ASB4: variants seen among roughly 807,000 people sequenced by gnomAD.
ASB4 encodes ankyrin repeat and SOCS box protein 4.
A neutral mutation model predicts 38.6 loss-of-function variants in ASB4; 35 were observed. The observed-to-expected ratio is 0.91, with a 90% CI of 0.69 to 1.20. The LOEUF (loss-of-function observed/expected upper bound fraction) is 1.20. Ranked by LOEUF, ASB4 falls within the 50% of genes most tolerant of loss-of-function variation. ASB4 has a pLI of 0.00. For missense variants in ASB4, 557 were observed against 527.2 expected (o/e 1.06, Z -0.55); for synonymous variants, 195 against 201.3 (o/e 0.97, Z 0.26).
chr7:95,515,193 C>CTT (rs1790544378), intron 2 of ASB4, among the ~76,000 whole-genome samples: 5 of 125,634 alleles, frequency 4.0e-5, no homozygotes, highest in Admixed American at 7.7e-5. Flanking sequence ...TTCTTTCTTT[C>CTT]TTTCTTTCTT....
intron 3 of ASB4, chr7:95,528,588 G>A: frequency 2.9e-6 from 4 of 1,379,668 alleles, no homozygotes; most frequent in Non-Finnish European, 3.7e-6. Context: ...GAGGGACTGA[G>A]GTAAGTCTGC....
the ASB4 span, among the ~76,000 whole-genome samples, chr7:95,546,404 T>C: frequency 6.6e-6 from 1 of 152,022 alleles, no homozygotes; most frequent in Non-Finnish European, 1.5e-5. Context: ...TTTGATTTAG[T>C]TTCCAATGAT....
At position 95,528,180 on chromosome 7, in the gene ASB4, C is replaced by T. The variant is rs1482994122; in HGVS notation, c.855C>T (p.Gly285=). The part of the protein sequence containing the change: ...GAEANLMDIN[G]CAAIQYVLKV... ...AAGCCAATCTCATGGATATCAACGG[C>T]TGTGCTGCCATCCAGTACGTGCTGA... The change falls in exon 3 of 5, where the codon GGC becomes GGT. Residue 285 remains glycine, a synonymous_variant. Transcript: ENST00000325885. The T allele has an allele frequency of 1.2e-6, 2 of 1,614,106 alleles. No homozygotes were observed. Among genetic ancestry groups the T allele is most frequent in the African/African-American group, 2.7e-5 (2 of 74,932 alleles).
In ASB4 at chr7:95,528,840, G is replaced by A. The variant is rs530471374; in HGVS notation, c.978+537G>A. ...CATTTAATTCTTACAACAATCATAC[G>A]AGGTATATATTATTATTGTCCCTAT... On this transcript the variant is annotated intron_variant, in intron 3 of 4. Transcript: ENST00000325885. 88 of 393,072 alleles carry A rather than the reference G, an allele frequency of 2.2e-4. 1 individual carries two copies. In the South Asian group the frequency reaches 7.5e-3, roughly 33 times the overall value. The allele number at this position is 393,072 out of a possible 1,614,324, so 24.3% of individuals were successfully genotyped here. A position where few individuals can be genotyped will look rare whatever the true frequency, so the allele number is the denominator to read the frequency against.
At chr7:95,519,788 A>G (rs1790634776) in intron 2 of ASB4, among the ~76,000 whole-genome samples, 1 of 152,188 alleles carries the variant, frequency 6.6e-6, no homozygotes, top group Non-Finnish European at 1.5e-5. Flanking sequence ...TTAGTGATTT[A>G]CTATGTTTTA....
At chr7:95,471,178 C>T in the ASB4 span, among the ~76,000 whole-genome samples, 4 of 152,218 alleles carry the variant, frequency 2.6e-5, no homozygotes, top group East Asian at 5.8e-4. Context: ...TAGGGAGGAC[C>T]CTCATTATGA....
At chr7:95,541,746 G>A (rs144356377), downstream of ASB4, among the ~76,000 whole-genome samples, 512 of 152,218 alleles carry the variant, frequency 3.4e-3, 2 homozygotes, top group Non-Finnish European at 4.9e-3. Context: ...AGCTGATTTC[G>A]CAGCTGTTTC....
At chr7:95,502,391 C>CG (rs11285695) in intron 2 of ASB4, among the ~76,000 whole-genome samples, 1 of 66,634 alleles carries the variant, frequency 1.5e-5, no homozygotes, top group Non-Finnish European at 2.9e-5. Context: ...TACCAGCCTG[C>CG]GGGGGGGGGG....
At chr7:95,475,367 A>G (rs1789967482), upstream of ASB4, among the ~76,000 whole-genome samples, 1 of 151,996 alleles carries the variant, frequency 6.6e-6, no homozygotes, top group South Asian at 2.1e-4. Context: ...GTGACTCCCC[A>G]TTGCAGGTTG....
At chr7:95,516,825 T>C (rs1040506895) in intron 2 of ASB4, among the ~76,000 whole-genome samples, 16 of 152,240 alleles carry the variant, frequency 1.1e-4, no homozygotes, top group African/African-American at 3.9e-4. Context: ...GTCCTAGGGC[T>C]CAGTCTAAGA....
intron 3 of ASB4, 85 bp from the exon 4 acceptor site, chr7:95,536,352 C>A: frequency 1.2e-6 from 1 of 817,444 alleles, no homozygotes; most frequent in South Asian, 1.7e-5. Flanking sequence ...GCCCACTGGT[C>A]TGTGAATTCT....
intron 2 of ASB4, among the ~76,000 whole-genome samples, chr7:95,523,255 A>T (rs1790687760): frequency 6.6e-6 from 1 of 152,206 alleles, no homozygotes; most frequent in Non-Finnish European, 1.5e-5. Flanking sequence ...GCAAGGGAAA[A>T]CTTGACAATC....
At chr7:95,476,535 A>C (rs1276472348), upstream of ASB4, among the ~76,000 whole-genome samples, 1 of 152,240 alleles carries the variant, frequency 6.6e-6, no homozygotes, top group Non-Finnish European at 1.5e-5. Flanking sequence ...GCAGCTACAG[A>C]CACTAGAAAA....
chr7:95,504,849 T>C (rs1790386329), intron 2 of ASB4, among the ~76,000 whole-genome samples: 1 of 152,150 alleles, frequency 6.6e-6, no homozygotes, highest in Admixed American at 6.5e-5. Context: ...TTGCCTCCAA[T>C]CATTCTGCTC....
chr7:95,488,786 A>G (rs1238115010), intron 1 of ASB4, among the ~76,000 whole-genome samples: 8 of 152,226 alleles, frequency 5.3e-5, no homozygotes, highest in Non-Finnish European at 1.0e-4. Context: ...CAAAATAACA[A>G]ACCTATGTAA....
chr7:95,511,618 C>G (rs1482814292), intron 2 of ASB4, among the ~76,000 whole-genome samples: 1 of 151,178 alleles, frequency 6.6e-6, no homozygotes, highest in East Asian at 1.9e-4. Context: ...GCCGAGATTG[C>G]GCCATTGCAC....
At chr7:95,511,757 C>T (rs957086740) in intron 2 of ASB4, among the ~76,000 whole-genome samples, 1 of 152,162 alleles carries the variant, frequency 6.6e-6, no homozygotes, top group Non-Finnish European at 1.5e-5. Context: ...CTAATCCTCA[C>T]AACTATCCTA....
In ASB4 at chr7:95,486,141, T is replaced by C. The variant is rs897855569; in HGVS notation, c.170T>C (p.Leu57Ser). ...GAAGTCGAAGATGAGAATATGGTTT[T>C]GGCATCTTATAAACAAGGTAAAAAC... ...VFEVEDENMV[L>S]ASYKQGYWLP... is the part of the protein sequence containing the mutation. Residue 57 changes from leucine to serine, a missense_variant, in exon 1 of 5, where the codon TTG becomes TCG. By Grantham distance (145) the Leu-to-Ser change is moderately radical. Transcript: ENST00000325885. 6.2e-7 allele frequency: 1 copy of C among 1,613,828 alleles called. No individual in the cohort carries two copies. The highest frequency in any genetic ancestry group is 2.2e-5 in the East Asian group (1 of 44,888).
In ASB4 at chr7:95,515,249, TTCCTTCTTTCTTTCTTTC is replaced by T. The variant is rs1405718134; in HGVS notation, c.488-12561_488-12544del. 4.0e-4 allele frequency among the ~76,000 whole-genome samples: 55 copies of T among 137,528 alleles called. 1 individual carries two copies. Among genetic ancestry groups the T allele is most frequent in the South Asian group, 7.3e-4 (3 of 4,082 alleles). 90.2% of individuals were successfully genotyped at this position (137,528 alleles called of 152,430 possible). On this transcript the variant is annotated intron_variant, in intron 2 of 4. Transcript: ENST00000325885. ...TCTTTCTTTTTCTTTCTTTCTTTCT[TTCCTTCTTTCTTTCTTTC>T]TCTTTCTTTCTTTCTTTCTTTCTTT...
Sources: allele counts gnomAD v4.1 joint callset (sites outside exome capture counted in the v4.1 genomes callset), GRCh38; gene constraint gnomAD v4.1.1; transcripts MANE v1.5; gene names NCBI Gene and HGNC (gene_info 2026-07-23, HGNC 2026-07-21).